The following TAFA5 variants were observed in gnomAD, a reference collection of about 807,000 sequenced individuals.
The protein encoded by TAFA5 is TAFA chemokine like family member 5.
Under a neutral mutation model 15.3 loss-of-function variants are expected in TAFA5, and 6 were observed. The observed-to-expected ratio is 0.39, with a 90% CI of 0.21 to 0.77. The LOEUF (loss-of-function observed/expected upper bound fraction) is 0.77. Among genes scored for constraint, TAFA5 ranks in the 30% least tolerant of loss-of-function variants. The pLI is 0.41. For synonymous variants in TAFA5, 103 were observed against 80.7 expected, an observed-to-expected ratio of 1.28 and a Z score of -1.48; for missense variants, 161 against 193.1, an observed-to-expected ratio of 0.83 and a Z score of 0.98.
chr22:48,658,190 G>T (rs191579398), intron 2 of TAFA5, among the ~76,000 whole-genome samples: 1 of 140,520 alleles, frequency 7.1e-6, no homozygotes, highest in Admixed American at 7.2e-5. Flanking sequence ...AGCTGCTCCC[G>T]TCCACTTCCA....
chr22:48,728,724 G>GA (rs1357914523), intron 3 of TAFA5, among the ~76,000 whole-genome samples: 1 of 152,104 alleles, frequency 6.6e-6, no homozygotes, highest in Non-Finnish European at 1.5e-5. Context: ...TAAGCGGGAG[G>GA]AAAAGCCACC....
intron 1 of TAFA5, among the ~76,000 whole-genome samples, chr22:48,546,110 G>A (rs1051623620): frequency 4.6e-5 from 7 of 152,154 alleles, no homozygotes; most frequent in Non-Finnish European, 1.0e-4. Flanking sequence ...GGGCAGCCTG[G>A]AGGAGCAGGT....
At chr22:48,531,378 A>G (rs2147112910) in intron 1 of TAFA5, among the ~76,000 whole-genome samples, 1 of 152,280 alleles carries the variant, frequency 6.6e-6, no homozygotes, top group Non-Finnish European at 1.5e-5. Context: ...TGGAGCGGAC[A>G]GTGAGAGGGG....
At chr22:48,615,313 C>T (rs769610296) in intron 1 of TAFA5, among the ~76,000 whole-genome samples, 7 of 152,200 alleles carry the variant, frequency 4.6e-5, no homozygotes, top group Non-Finnish European at 7.3e-5. Flanking sequence ...TGGCAGCCGG[C>T]GGCTCGGTCC....
intron 1 of TAFA5, among the ~76,000 whole-genome samples, chr22:48,618,824 C>T (rs1250135798): frequency 1.3e-5 from 2 of 152,210 alleles, no homozygotes; most frequent in Non-Finnish European, 2.9e-5. Context: ...CGTGAGGCTG[C>T]TTCACACCCA....
chr22:48,719,173 G>C (rs953926180), intron 3 of TAFA5, among the ~76,000 whole-genome samples: 4 of 152,158 alleles, frequency 2.6e-5, no homozygotes, highest in Non-Finnish European at 4.4e-5. Flanking sequence ...GCACACACCC[G>C]CAGGGGCTCT....
intron 1 of TAFA5, among the ~76,000 whole-genome samples, chr22:48,493,602 C>G (rs1928228017): frequency 6.6e-6 from 1 of 152,058 alleles, no homozygotes; most frequent in South Asian, 2.1e-4. Flanking sequence ...TATTTCTCAT[C>G]TTTTTTTGAA....
intron 1 of TAFA5, among the ~76,000 whole-genome samples, chr22:48,546,191 C>T (rs574180565): frequency 1.3e-5 from 2 of 152,344 alleles, no homozygotes; most frequent in Admixed American, 6.5e-5. Flanking sequence ...ATGGGGACTG[C>T]GCCTGCACGT....
chr22:48,544,611 T>G (rs58574281), intron 1 of TAFA5: 28,825 of 446,016 alleles, frequency 0.065, 2,254 homozygotes, highest in East Asian at 0.24. Flanking sequence ...GCGGCACAGC[T>G]GGCTAGGTGC....
chr22:48,633,190 AC>A (rs1335091375), intron 1 of TAFA5, among the ~76,000 whole-genome samples: 1 of 152,114 alleles, frequency 6.6e-6, no homozygotes, highest in African/African-American at 2.4e-5. Context: ...TCCAGAGCCG[AC>A]CTGAACCCCA....
chr22:48,509,239 G>C (rs190619827), intron 1 of TAFA5, among the ~76,000 whole-genome samples: 1 of 152,158 alleles, frequency 6.6e-6, no homozygotes, highest in Non-Finnish European at 1.5e-5. Flanking sequence ...ATTCTGCGTC[G>C]TGGCTCTTGT....
chr22:48,696,113 G>A (rs1210220916), intron 2 of TAFA5, among the ~76,000 whole-genome samples: 1 of 152,190 alleles, frequency 6.6e-6, no homozygotes, highest in Non-Finnish European at 1.5e-5. Flanking sequence ...CAGTCTCGGG[G>A]TTCGATGGGC....
intron 1 of TAFA5, among the ~76,000 whole-genome samples, chr22:48,634,828 T>C (rs766348026): frequency 1.3e-5 from 2 of 152,280 alleles, no homozygotes; most frequent in African/African-American, 2.4e-5. Context: ...CCTTCCTTCA[T>C]CTGCCTTTTG....
chr22:48,673,881 C>A (rs10483243), intron 2 of TAFA5, among the ~76,000 whole-genome samples: 32,235 of 151,928 alleles, frequency 0.21, 3,515 homozygotes, highest in African/African-American at 0.25. Flanking sequence ...CTGGGAAATG[C>A]ATCATAGCTG....
intron 1 of TAFA5, among the ~76,000 whole-genome samples, chr22:48,549,881 C>T (rs541826759): frequency 6.6e-4 from 100 of 152,336 alleles, no homozygotes; most frequent in African/African-American, 2.1e-3. Context: ...CAGTGCCAGA[C>T]GCCCTCGGGA....
chr22:48,718,678 C>T (rs1025086434), intron 3 of TAFA5, among the ~76,000 whole-genome samples: 11 of 152,204 alleles, frequency 7.2e-5, no homozygotes, highest in African/African-American at 1.4e-4. Flanking sequence ...AGGCTTCCCC[C>T]GGCCCCGTGA....
intron 1 of TAFA5, among the ~76,000 whole-genome samples, chr22:48,562,534 G>A (rs771470465): frequency 8.7e-5 from 13 of 149,324 alleles, no homozygotes; most frequent in African/African-American, 2.9e-4. Context: ...AGGCAGCCCC[G>A]TATCAGCAGC....
intron 1 of TAFA5, among the ~76,000 whole-genome samples, chr22:48,592,889 C>G (rs1924623007): frequency 2.0e-5 from 3 of 152,154 alleles, no homozygotes; most frequent in African/African-American, 7.2e-5. Flanking sequence ...CCAGGGGTCT[C>G]TCAGAAAGAC....
intron 1 of TAFA5, among the ~76,000 whole-genome samples, chr22:48,632,128 C>A (rs1452619818): frequency 6.6e-6 from 1 of 152,168 alleles, no homozygotes; most frequent in African/African-American, 2.4e-5. Context: ...GAGTTGGGAG[C>A]GGCTGGGGTG....
Sources: allele counts gnomAD v4.1 joint callset (sites outside exome capture counted in the v4.1 genomes callset), GRCh38; gene constraint gnomAD v4.1.1; transcripts MANE v1.5; gene names NCBI Gene and HGNC (gene_info 2026-07-23, HGNC 2026-07-21).